The following BCKDHB variants were observed in gnomAD, a reference collection of about 807,000 sequenced individuals.
BCKDHB encodes the protein 2-oxoisovalerate dehydrogenase subunit beta, mitochondrial.
A neutral mutation model predicts 48.5 loss-of-function variants in BCKDHB; 41 were observed. That is an observed-to-expected ratio of 0.85 (90% confidence interval 0.66 to 1.10). The LOEUF is 1.10. Ranked by LOEUF, BCKDHB falls within the 50% of genes least tolerant of loss-of-function variation. BCKDHB has a pLI of 0.00. For synonymous variants in BCKDHB, 201 were observed against 174.8 expected (o/e 1.15, Z -1.18); for missense variants, 496 against 494.2 (o/e 1.00, Z -0.03).
chr6:80,375,292 T>C, the BCKDHB span, among the ~76,000 whole-genome samples: 1 of 152,208 alleles, frequency 6.6e-6, no homozygotes, highest in Non-Finnish European at 1.5e-5. Flanking sequence ...CCAATTATTC[T>C]TAGGTTTGGT....
intron 6 of BCKDHB, among the ~76,000 whole-genome samples, chr6:80,194,375 G>A (rs1472824538): frequency 6.6e-6 from 1 of 152,136 alleles, no homozygotes; most frequent in African/African-American, 2.4e-5. Flanking sequence ...ATCAATACCA[G>A]GACATTAGCA....
chr6:80,192,944 G>A (rs1313202156), intron 6 of BCKDHB, among the ~76,000 whole-genome samples: 3 of 151,394 alleles, frequency 2.0e-5, no homozygotes, highest in Non-Finnish European at 4.4e-5. Context: ...TCAGTCTCCC[G>A]AGTAGCTGGG....
intron 8 of BCKDHB, among the ~76,000 whole-genome samples, chr6:80,261,427 A>G (rs774913712): frequency 7.9e-5 from 12 of 151,916 alleles, no homozygotes; most frequent in Non-Finnish European, 1.6e-4. Flanking sequence ...TTGTTACTCA[A>G]CTTGCCTTCC....
rs962489830 is a variant in BCKDHB at position 80,203,101 on chromosome 6, G to C, written c.841-1G>C. 1.9e-6 allele frequency: 3 copies of C among 1,606,854 alleles called. No homozygotes were observed. The highest frequency in any genetic ancestry group is 2.6e-6 in the Non-Finnish European group (3 of 1,173,910). On this transcript the variant is annotated splice_acceptor_variant, in intron 7 of 9. Coordinates refer to ENST00000320393, the MANE Select transcript of BCKDHB (RefSeq NM_183050.4). LOFTEE classifies it high-confidence loss of function. ...TCTGCATATTTTTCTCTTTATTTCA[G>C]GTTCATGTGATCCGAGAGGTAGCTT...
chr6:80,106,762 G>C lies in BCKDHB; in HGVS notation c.69G>C (p.Trp23Cys), dbSNP rs1468869521. 1 of 1,579,816 alleles carries C rather than the reference G, an allele frequency of 6.3e-7. No individual in the cohort carries two copies. The highest frequency in any genetic ancestry group is 8.6e-7 in the Non-Finnish European group (1 of 1,164,064). ...GGGCGGCAGGGGCTGAGGGGCACTG[G>C]CGTCGGCTTCCTGGCGCGGGGCTGG... The part of the protein sequence containing the change: ...RLRAAGAEGH[W>C]RRLPGAGLAR... The change falls in exon 1 of 10, where the codon TGG (tryptophan) becomes TGC (cysteine). Residue 23 changes from tryptophan (W) to cysteine (C), a missense_variant. Trp to Cys is a radical substitution (Grantham distance 215, BLOSUM62 -2). Transcript: ENST00000320393.
At chr6:80,322,238 C>CT (rs776940885) in intron 9 of BCKDHB, among the ~76,000 whole-genome samples, 48,061 of 116,200 alleles carry the variant, frequency 0.41, 9,138 homozygotes, top group Middle Eastern at 0.52. Context: ...TCTTTCTTTT[C>CT]TTTTTTTTTT....
intron 6 of BCKDHB, among the ~76,000 whole-genome samples, chr6:80,183,131 A>G (rs544546311): frequency 9.9e-5 from 15 of 152,216 alleles, no homozygotes; most frequent in African/African-American, 3.1e-4. Context: ...ATATTCTACA[A>G]CCTGTATCTC....
intron 8 of BCKDHB, among the ~76,000 whole-genome samples, chr6:80,230,043 T>G (rs1775850699): frequency 7.9e-6 from 1 of 127,108 alleles, no homozygotes; most frequent in Non-Finnish European, 1.6e-5. Context: ...TTTTTTTTTT[T>G]TTTTTTTTTT....
At chr6:80,188,252 C>A (rs988811225) in intron 6 of BCKDHB, among the ~76,000 whole-genome samples, 5 of 152,150 alleles carry the variant, frequency 3.3e-5, no homozygotes, top group African/African-American at 1.2e-4. Flanking sequence ...AGCAAACTAA[C>A]ACATGAACAC....
chr6:80,202,083 C>T (rs919228712), intron 7 of BCKDHB, among the ~76,000 whole-genome samples: 6 of 152,070 alleles, frequency 3.9e-5, no homozygotes, highest in Non-Finnish European at 8.8e-5. Flanking sequence ...TGATCCACAT[C>T]TCTGTGGTCA....
intron 9 of BCKDHB, among the ~76,000 whole-genome samples, chr6:80,326,003 C>G (rs1295600573): frequency 6.6e-6 from 1 of 152,106 alleles, no homozygotes; most frequent in Non-Finnish European, 1.5e-5. Context: ...GACATTAGAG[C>G]AAAACCGAGG....
chr6:80,461,055 C>T, the BCKDHB span, among the ~76,000 whole-genome samples: 2,313 of 152,144 alleles, frequency 0.015, 57 homozygotes, highest in African/African-American at 0.052. Context: ...CTCTTGGTGA[C>T]GTAATCTATT....
At chr6:80,228,699 A>G (rs957784496) in intron 8 of BCKDHB, among the ~76,000 whole-genome samples, 9 of 152,154 alleles carry the variant, frequency 5.9e-5, no homozygotes, top group African/African-American at 1.7e-4. Context: ...GGGTTTTGTG[A>G]TAGCCAGCCT....
In BCKDHB at chr6:80,308,246, A is replaced by G. The variant is rs75753557; in HGVS notation, c.1038+35025A>G. Among the ~76,000 whole-genome samples, 414 of 151,554 alleles carry G rather than the reference A, an allele frequency of 2.7e-3. 1 individual carries two copies. Among genetic ancestry groups the G allele is most frequent in the African/African-American group, 9.2e-3 (380 of 41,272 alleles). ...TGATTCCAGCTTATTTTCATTTTTC[A>G]TTGTATCATGGACATTGTTTCATAT... On this transcript the variant is annotated intron_variant, in intron 9 of 9. Coordinates refer to ENST00000320393, the MANE Select transcript of BCKDHB (RefSeq NM_183050.4).
At chr6:80,180,236 A>G (rs1471000199) in intron 6 of BCKDHB, among the ~76,000 whole-genome samples, 3 of 152,230 alleles carry the variant, frequency 2.0e-5, no homozygotes, top group African/African-American at 7.2e-5. Flanking sequence ...GGTTTCCTGA[A>G]CATAGAAGGA....
chr6:80,182,480 G>A (rs1773457520), intron 6 of BCKDHB, among the ~76,000 whole-genome samples: 1 of 152,118 alleles, frequency 6.6e-6, no homozygotes, highest in South Asian at 2.1e-4. Flanking sequence ...TAAGCTATGT[G>A]GTAGAGTGAT....
chr6:80,401,140 T>C, the BCKDHB span, among the ~76,000 whole-genome samples: 2 of 151,740 alleles, frequency 1.3e-5, no homozygotes, highest in African/African-American at 4.8e-5. Flanking sequence ...GATGACAAAA[T>C]ACCCTGTACA....
chr6:80,349,433 C>T (rs1029350821), downstream of BCKDHB, among the ~76,000 whole-genome samples: 1 of 151,864 alleles, frequency 6.6e-6, no homozygotes, highest in Non-Finnish European at 1.5e-5. Context: ...AGTGGGGGGA[C>T]AGCAAGGAAA....
chr6:80,107,423 A>ATGTGTGTGTG (rs60917181), intron 1 of BCKDHB, among the ~76,000 whole-genome samples: 10 of 73,230 alleles, frequency 1.4e-4, no homozygotes, highest in Middle Eastern at 8.5e-3. Flanking sequence ...AATTGTGTGT[A>ATGTGTGTGTG]TGTGTGTGTG....
Sources: allele counts gnomAD v4.1 joint callset (sites outside exome capture counted in the v4.1 genomes callset), GRCh38; gene constraint gnomAD v4.1.1; transcripts MANE v1.5; gene names NCBI Gene and HGNC (gene_info 2026-07-23, HGNC 2026-07-21).